The following SRPRA variants were observed in gnomAD, a reference collection of about 807,000 sequenced individuals.
The protein encoded by SRPRA is SRP receptor subunit alpha, also known as signal recognition particle receptor subunit alpha.
In SRPRA, 30 loss-of-function variants were observed where a neutral mutation model predicts 61.1. That is an observed-to-expected ratio of 0.49 (90% CI 0.37 to 0.67). The LOEUF (loss-of-function observed/expected upper bound fraction) is 0.67, where lower values mean the gene tolerates loss of function less well. Among genes scored for constraint, SRPRA ranks in the 30% least tolerant of loss-of-function variants. The probability of loss-of-function intolerance (pLI) is 0.00; values close to 1 mark genes in which losing one functional copy is unlikely to be tolerated. For missense variants in SRPRA, 759 were observed against 828.4 expected (o/e 0.92, Z 1.03); for synonymous variants, 324 against 299.7 (o/e 1.08, Z -0.84).
downstream of SRPRA, chr11:126,261,381 T>C (rs534745682): frequency 1.9e-6 from 3 of 1,562,400 alleles, no homozygotes; most frequent in East Asian, 2.2e-5. Context: ...ATTAATAGTT[T>C]TAGCTTTTCA....
chr11:126,239,148 TTTG>T, the SRPRA span, among the ~76,000 whole-genome samples: 9 of 151,860 alleles, frequency 5.9e-5, no homozygotes, highest in African/African-American at 2.2e-4. Context: ...TCGTTCTTTC[TTTG>T]TTTGGCAGAG....
chr11:126,248,425 C>T, the SRPRA span, among the ~76,000 whole-genome samples: 683 of 113,000 alleles, frequency 6.0e-3, 8 homozygotes, highest in African/African-American at 0.021. Flanking sequence ...GGCTGGAGTG[C>T]AATGGTGCGA....
At position 126,266,931 on chromosome 11, in the gene SRPRA, G is replaced by GA. The variant is rs766096337; in HGVS notation, c.527-10dup. 50 of 1,606,720 alleles carry GA rather than the reference G, an allele frequency of 3.1e-5. No individual in the cohort carries two copies. The highest frequency in any genetic ancestry group is 1.7e-4 in the Middle Eastern group (1 of 5,994). ...CAAAGGACCATCAGAACCTGTTGGG[G>GA]AAAAAACTCACTGAAGAAAAAAGAA... On this transcript the variant is annotated splice_polypyrimidine_tract_variant and intron_variant, in intron 4 of 13. Transcript: ENST00000332118.
the SRPRA span, chr11:126,240,749 T>A: frequency 6.5e-7 from 1 of 1,535,690 alleles, no homozygotes; most frequent in Non-Finnish European, 8.8e-7. Flanking sequence ...GTGCCTCATA[T>A]CTATTGGATA....
chr11:126,262,044 T>C, downstream of SRPRA: 1 of 1,447,024 alleles, frequency 6.9e-7, no homozygotes, highest in Non-Finnish European at 9.7e-7. Flanking sequence ...TAGGATTGAC[T>C]TAAGTATCTG....
rs560536495 is a variant in SRPRA, at chr11:126,264,909, AG to A, written c.1525+49del. On this transcript the variant is annotated intron_variant, in intron 11 of 13. Coordinates refer to ENST00000332118, the MANE Select transcript of SRPRA (RefSeq NM_003139.4). This position sits in a 1 kb window ranked among gnomAD's most constrained non-coding sequence, Gnocchi z 5.0. ...CTTCTGCAAATTCCAAGAGAACCCA[AG>A]GAGAAAAAGGGACCCCAAATAAGCC... 293 of 1,543,230 alleles carry A rather than the reference AG, an allele frequency of 1.9e-4. 2 individuals carry two copies. The African/African-American group carries it at 3.7e-3, about 20-fold the overall frequency.
the SRPRA span, among the ~76,000 whole-genome samples, chr11:126,236,218 C>T: frequency 6.6e-5 from 10 of 152,138 alleles, no homozygotes; most frequent in African/African-American, 1.4e-4. Flanking sequence ...TTTTGGTGCA[C>T]GCCTTTGTTT....
chr11:126,261,150 T>TATGTGAA (rs544443149), downstream of SRPRA: 140 of 255,178 alleles, frequency 5.5e-4, 3 homozygotes, highest in East Asian at 0.014. Flanking sequence ...ATGTTGCCTG[T>TATGTGAA]ATGTGAAATG....
chr11:126,257,605 AT>A, the SRPRA span, among the ~76,000 whole-genome samples: 157 of 140,912 alleles, frequency 1.1e-3, 1 homozygote, highest in Admixed American at 1.8e-3. Context: ...AGAATTGTAC[AT>A]TTTTTTTTTT....
rs202149961 is a variant in SRPRA, at chr11:126,266,753, G to A, written c.686+10C>T. ...CAGTATTTTGAGAGTACTGGAGAAA[G>A]AGTGCTCACTTGGACTTCTCCATAC... is the stretch of plus-strand genomic sequence containing the variant. On this transcript the variant is annotated intron_variant, in intron 5 of 13. Transcript: ENST00000332118. 232 of 1,613,672 alleles carry A rather than the reference G, an allele frequency of 1.4e-4. 2 individuals carry two copies. The highest frequency in any genetic ancestry group is 1.7e-5 in the Non-Finnish European group (20 of 1,179,798).
the SRPRA span, among the ~76,000 whole-genome samples, chr11:126,241,991 C>T: frequency 7.1e-6 from 1 of 141,656 alleles, no homozygotes; most frequent in Non-Finnish European, 1.5e-5. Context: ...CGCCACTGCA[C>T]TCCAGCCTGG....
rs1010918359 is a variant in SRPRA, at chr11:126,267,346, A to T, written c.366-11T>A. 3.1e-6 allele frequency: 5 copies of T among 1,612,744 alleles called. No homozygotes were observed. The African/African-American group carries it at 6.7e-5, about 22-fold the overall frequency. On this transcript the variant is annotated splice_polypyrimidine_tract_variant and intron_variant, in intron 3 of 13. Transcript: ENST00000332118. This position sits in a 1 kb window ranked among gnomAD's most constrained non-coding sequence, Gnocchi z 4.2. ...CTCTCCTCTGCTTCACTAAACAAAA[A>T]GGAGAATGGTTTATCTTTCTACCCC...
Position 126,266,509 on chromosome 11 carries a change from G to T in SRPRA, c.807C>A (p.Thr269=). The part of the protein sequence containing the change: ...LDYSTPTTNG[T]PEAALSEDIN... ...TGTCCTCAGACAAGGCAGCCTCAGG[G>T]GTTCCATTGGTGGTGGGAGTACTGT... Residue 269 remains threonine (T), a synonymous_variant, in exon 6 of 14, where the codon ACC becomes ACA. Transcript: ENST00000332118. 1 of 1,614,154 alleles carries T rather than the reference G, an allele frequency of 6.2e-7. No homozygotes were observed. The highest frequency in any genetic ancestry group is 8.5e-7 in the Non-Finnish European group (1 of 1,180,008).
Position 126,266,883 on chromosome 11 carries a change from G to T in SRPRA, c.566C>A (p.Ala189Glu). The T allele has an allele frequency of 6.2e-7, 1 of 1,614,190 alleles. No individual in the cohort carries two copies. Among genetic ancestry groups the T allele is most frequent in the Non-Finnish European group, 8.5e-7 (1 of 1,180,038 alleles). Residue 189 changes from alanine (A) to glutamate (E), a missense_variant, in exon 5 of 14, where the codon GCA (alanine) becomes GAA (glutamate). Around this residue, in one of 2 missense-constraint regions of SRPRA, gnomAD observed 475 missense variants for 462.5 expected, o/e 1.03. Transcript: ENST00000332118. The part of the protein sequence containing the change: ...GPLATSKPVP[A>E]EKSGLPVGPE... The stretch of plus-strand genomic sequence containing the variant: ...ACCCACTGGAAGACCTGACTTTTCT[G>T]CAGGGACTGGTTTGCTGGTAGCCAA...
At position 126,267,695 on chromosome 11, in the gene SRPRA, G is replaced by A. The variant is rs1950843503; in HGVS notation, c.219C>T (p.Ile73=). 4 of 1,614,048 alleles carry A rather than the reference G, an allele frequency of 2.5e-6. No individual in the cohort carries two copies. The highest frequency in any genetic ancestry group is 3.4e-6 in the Non-Finnish European group (4 of 1,180,040). ...ATTTGTCTACATATGTCAGTGTCAG[G>A]ATCTTCTGAAAACCAACCTGTTTAG... ...ELVFVVGFQK[I]LTLTYVDKLI... Residue 73 remains isoleucine (I), a synonymous_variant, in exon 3 of 14, where the codon ATC becomes ATT. Coordinates refer to ENST00000332118, the MANE Select transcript of SRPRA (RefSeq NM_003139.4). This position sits in a 1 kb window ranked among gnomAD's most constrained non-coding sequence, Gnocchi z 4.2.
chr11:126,260,215 T>C (rs1167050885), downstream of SRPRA, among the ~76,000 whole-genome samples: 1 of 151,830 alleles, frequency 6.6e-6, no homozygotes, highest in Non-Finnish European at 1.5e-5. Flanking sequence ...GTATTTTTTG[T>C]AGAGATGGGG....
At chr11:126,257,825 C>T in the SRPRA span, among the ~76,000 whole-genome samples, 1 of 152,120 alleles carries the variant, frequency 6.6e-6, no homozygotes, top group Non-Finnish European at 1.5e-5. Context: ...GGGTATCATA[C>T]ACTTGATATT....
chr11:126,261,928 C>T (rs551474496), downstream of SRPRA, among the ~76,000 whole-genome samples: 1 of 152,288 alleles, frequency 6.6e-6, no homozygotes, highest in South Asian at 2.1e-4. Context: ...CTGATTGTGC[C>T]ACTGCATTTG....
the SRPRA span, chr11:126,250,446 A>G: frequency 4.9e-6 from 6 of 1,217,426 alleles, no homozygotes; most frequent in Non-Finnish European, 7.2e-6. The surrounding 1 kb of genome is among the most constrained non-coding windows in gnomAD (Gnocchi z 5.1). Flanking sequence ...TGCTGTAACT[A>G]AAACAACTGA....
Sources: allele counts gnomAD v4.1 joint callset (sites outside exome capture counted in the v4.1 genomes callset), GRCh38; gene constraint gnomAD v4.1.1; regional missense constraint gnomAD v4.1.1; non-coding constraint Gnocchi (gnomAD v3.1); transcripts MANE v1.5; gene names NCBI Gene and HGNC (gene_info 2026-07-23, HGNC 2026-07-21).